CFAP100: variants seen among roughly 807,000 people sequenced by gnomAD.
CFAP100 encodes cilia and flagella associated protein 100.
CFAP100 carries 70 observed loss-of-function variants against 81.5 expected under a neutral mutation model. The observed-to-expected ratio is 0.86, with a 90% CI of 0.71 to 1.05. The LOEUF (loss-of-function observed/expected upper bound fraction) is 1.05. CFAP100 is among the 50% of genes least tolerant of loss of function. CFAP100 has a pLI of 0.00. For missense variants in CFAP100, 811 were observed against 776.5 expected (o/e 1.04, Z -0.53); for synonymous variants, 341 against 314.8 (o/e 1.08, Z -0.88).
chr3:126,404,864 G>A (rs780476992), intron 2 of CFAP100, among the ~76,000 whole-genome samples: 11 of 152,056 alleles, frequency 7.2e-5, no homozygotes, highest in Non-Finnish European at 8.8e-5. Context: ...TAGTAGAGAC[G>A]TGGTTTCACC....
At chr3:126,416,286 G>T in intron 4 of CFAP100, 30 bp from the exon 5 acceptor site, 1 of 1,559,400 alleles carries the variant, frequency 6.4e-7, no homozygotes. Context: ...GGGAGCCTGG[G>T]CCCCGCCCGA....
chr3:126,418,632 A>C lies in CFAP100; in HGVS notation c.508A>C (p.Arg170=). 6.3e-7 allele frequency: 1 copy of C among 1,599,770 alleles called. No homozygotes were observed. Among genetic ancestry groups the C allele is most frequent in the Non-Finnish European group, 8.5e-7 (1 of 1,173,444 alleles). The change falls in exon 7 of 17, where the codon AGA becomes CGA. Residue 170 remains arginine, a synonymous_variant. Transcript: ENST00000352312. ...CCAGTATGCCCTGGATGTCAAGCGG[A>C]GAGAGATCCAGCGGCTGGAGACGCT... ...LLQYALDVKR[R]EIQRLETLAT...
intron 4 of CFAP100, chr3:126,414,425 T>C (rs2083202875): frequency 3.2e-6 from 2 of 625,492 alleles, no homozygotes; most frequent in Non-Finnish European, 5.7e-6. Context: ...ATAGACTTCT[T>C]GGGCTGCTGT....
intron 11 of CFAP100, among the ~76,000 whole-genome samples, chr3:126,421,843 C>A (rs2083337094): frequency 6.6e-6 from 1 of 152,266 alleles, no homozygotes; most frequent in African/African-American, 2.4e-5. Flanking sequence ...CACGCACAGG[C>A]TGCTGTTAAC....
chr3:126,421,662 G>A (rs1314377941), intron 11 of CFAP100, among the ~76,000 whole-genome samples: 1 of 152,108 alleles, frequency 6.6e-6, no homozygotes, highest in Non-Finnish European at 1.5e-5. Flanking sequence ...CCCTCTCCAC[G>A]ACTGCCTATT....
At chr3:126,423,804 C>T (rs1419616108) in intron 13 of CFAP100, among the ~76,000 whole-genome samples, 160 bp downstream of exon 13, 8 of 152,240 alleles carry the variant, frequency 5.3e-5, no homozygotes, top group Non-Finnish European at 7.3e-5. Flanking sequence ...GTTTGTGGGC[C>T]GGATCCTGGA....
Position 126,433,116 on chromosome 3 carries a change from T to C in CFAP100, c.1334T>C (p.Met445Thr), listed in dbSNP as rs770588800. Residue 445 changes from methionine (M) to threonine (T), a missense_variant, in exon 14 of 17, where the codon ATG (methionine) becomes ACG (threonine). Transcript: ENST00000352312. ...AAGCAGTGGGTCACCACAATGATGA[T>C]GTCCATCACCAAGGAGGAGGACACA... The part of the protein sequence containing the change: ...QLKQWVTTMM[M>T]SITKEEDTAA... 8.1e-6 allele frequency: 13 copies of C among 1,614,088 alleles called. No individual in the cohort carries two copies. The highest frequency in any genetic ancestry group is 3.3e-5 in the Admixed American group (2 of 60,006).
intron 9 of CFAP100, 38 bp from the exon 10 acceptor site, chr3:126,419,939 TGCA>T (rs764573230): frequency 1.2e-6 from 2 of 1,612,742 alleles, no homozygotes; most frequent in South Asian, 2.2e-5. Flanking sequence ...GAAGCTTGGC[TGCA>T]GCTGAGGCCA....
At chr3:126,407,909 C>A (rs2083092969) in intron 3 of CFAP100, among the ~76,000 whole-genome samples, 1 of 152,192 alleles carries the variant, frequency 6.6e-6, no homozygotes, top group Admixed American at 6.5e-5. Flanking sequence ...ACCTCCCTTG[C>A]CTGGACTCCC....
rs373187935 is a variant in CFAP100, at chr3:126,395,982, C to A, written c.-19C>A. ...AGAAGAGGAGAAGCCTTGCATCAAC[C>A]TCTTGGGCCTCAGCCAAGATGTCTG... On this transcript the variant is annotated 5_prime_UTR_variant, in exon 2 of 17. Transcript: ENST00000352312. The A allele has an allele frequency of 8.1e-6, 13 of 1,610,238 alleles. No individual in the cohort carries two copies. In the African/African-American group the frequency reaches 1.7e-4, roughly 21 times the overall value.
At chr3:126,430,669 G>A (rs532549620) in intron 13 of CFAP100, among the ~76,000 whole-genome samples, 1 of 151,392 alleles carries the variant, frequency 6.6e-6, no homozygotes, top group African/African-American at 2.4e-5. Flanking sequence ...CTATCTCTGA[G>A]TTCACTGATT....
At position 126,396,054 on chromosome 3, in the gene CFAP100, G is replaced by A; in HGVS notation, c.49+5G>A. The A allele has an allele frequency of 1.2e-6, 2 of 1,613,460 alleles. No homozygotes were observed. Among genetic ancestry groups the A allele is most frequent in the Non-Finnish European group, 1.7e-6 (2 of 1,179,380 alleles). ...CCAAGAACATGACCAATGACAGTAA[G>A]TACCGGGCCAGGGTGGGCACTCTCA... On this transcript the variant is annotated splice_donor_5th_base_variant and intron_variant, in intron 2 of 16. Transcript: ENST00000352312.
rs779585872 is a variant in CFAP100, at chr3:126,420,153, G to C, written c.1006G>C (p.Gly336Arg). ...PWRFLQTMRL[G>R]RSPSYLSSPQ... is the part of the protein sequence containing the mutation. ...GAGGTTTCTGCAGACGATGCGGCTG[G>C]GGCGGAGCCCGTCTTACCTGAGCAG... is the stretch of plus-strand genomic sequence containing the variant. Residue 336 changes from glycine (G) to arginine (R), a missense_variant, in exon 11 of 17, where the codon GGG becomes CGG. Gly to Arg is a moderately radical substitution (Grantham distance 125). Coordinates refer to ENST00000352312, the MANE Select transcript of CFAP100 (RefSeq NM_182628.3). 1.2e-6 allele frequency: 2 copies of C among 1,612,858 alleles called. No homozygotes were observed. The highest frequency in any genetic ancestry group is 3.3e-5 in the Admixed American group (2 of 60,000).
intron 5 of CFAP100, among the ~76,000 whole-genome samples, chr3:126,417,729 C>T (rs1404261601): frequency 4.6e-5 from 7 of 152,334 alleles, no homozygotes; most frequent in African/African-American, 7.2e-5. Context: ...GGGCCTCTGC[C>T]GGGATCTGGA....
In CFAP100 at chr3:126,419,581, C is replaced by T. The variant is rs553065439; in HGVS notation, c.732-56C>T. On this transcript the variant is annotated intron_variant, in intron 8 of 16. Coordinates refer to ENST00000352312, the MANE Select transcript of CFAP100 (RefSeq NM_182628.3). Reference sequence around the variant, plus strand: ...AGGGGTGGCCCCGGCATGGGGACCTCGCTGTGGCAGAGGCTGACCTCCTCC... The same window carrying T: ...AGGGGTGGCCCCGGCATGGGGACCTTGCTGTGGCAGAGGCTGACCTCCTCC... 139 of 1,539,778 alleles carry T rather than the reference C, an allele frequency of 9.0e-5. No individual in the cohort carries two copies. The South Asian group carries it at 1.2e-3, about 13-fold the overall frequency.
At chr3:126,431,304 G>C (rs1299543809) in intron 13 of CFAP100, among the ~76,000 whole-genome samples, 1 of 152,176 alleles carries the variant, frequency 6.6e-6, no homozygotes, top group African/African-American at 2.4e-5. Flanking sequence ...ATCCATGACA[G>C]TTACACCAGG....
At chr3:126,435,452 G>A (rs1560083710) in intron 15 of CFAP100, 107 bp from the exon 16 acceptor site, 2 of 797,072 alleles carry the variant, frequency 2.5e-6, no homozygotes, top group Non-Finnish European at 2.0e-6. Context: ...AAGAGGAGCT[G>A]GGAGTTTTCT....
chr3:126,410,300 C>A (rs1205755525), intron 3 of CFAP100, among the ~76,000 whole-genome samples: 2 of 152,174 alleles, frequency 1.3e-5, no homozygotes, highest in African/African-American at 4.8e-5. Flanking sequence ...TCTTTAGTGA[C>A]CCCCAAGGTC....
At chr3:126,403,501 C>G (rs1444011096) in intron 2 of CFAP100, among the ~76,000 whole-genome samples, 1 of 151,422 alleles carries the variant, frequency 6.6e-6, no homozygotes, top group African/African-American at 2.4e-5. Context: ...CTTCCTGCCT[C>G]AGCCTCCAGA....
Sources: gnomAD v4.1 joint callset for allele counts (sites outside exome capture counted in the v4.1 genomes callset) on GRCh38, gnomAD v4.1.1 for gene constraint, MANE v1.5 for transcripts, NCBI Gene and HGNC (gene_info 2026-07-23, HGNC 2026-07-21) for gene names.